RARB: variants seen among roughly 807,000 people sequenced by gnomAD.
RARB encodes the protein retinoic acid receptor beta.
Under a neutral mutation model 51.9 loss-of-function variants are expected in RARB, and 17 were observed. The ratio of observed to expected loss-of-function variants is 0.33; its 90% CI spans 0.22 to 0.49. The LOEUF (loss-of-function observed/expected upper bound fraction) is 0.49. Ranked by LOEUF, RARB falls within the 20% of genes least tolerant of loss-of-function variation. RARB has a pLI of 0.99. For missense variants in RARB, 369 were observed against 550.8 expected, an observed-to-expected ratio of 0.67 and a Z score of 3.30; for synonymous variants, 215 against 195.4, an observed-to-expected ratio of 1.10 and a Z score of -0.84.
At chr3:25,268,668 T>C (rs1311325483) in intron 5 of RARB, among the ~76,000 whole-genome samples, 1 of 152,184 alleles carries the variant, frequency 6.6e-6, no homozygotes, top group African/African-American at 2.4e-5. Context: ...CACTGGTTGT[T>C]CCCTTAGTCT....
intron 5 of RARB, among the ~76,000 whole-genome samples, chr3:25,422,598 A>C (rs1707889820): frequency 6.6e-6 from 1 of 152,156 alleles, no homozygotes; most frequent in Non-Finnish European, 1.5e-5. Context: ...GATGTTACCC[A>C]AAACTCCTTC....
At chr3:25,136,003 G>A (rs1700027333) in intron 4 of RARB, among the ~76,000 whole-genome samples, 1 of 151,902 alleles carries the variant, frequency 6.6e-6, no homozygotes, top group South Asian at 2.1e-4. Flanking sequence ...GGCATTTAGA[G>A]GAATAAGCAA....
At chr3:25,334,831 T>C (rs78025194) in intron 5 of RARB, among the ~76,000 whole-genome samples, 1,760 of 152,356 alleles carry the variant, frequency 0.012, 36 homozygotes, top group African/African-American at 0.04. Flanking sequence ...TAATTATGTA[T>C]GTATATTACT....
chr3:25,374,703 A>G (rs1266328474), intron 5 of RARB, among the ~76,000 whole-genome samples: 1 of 152,136 alleles, frequency 6.6e-6, no homozygotes, highest in African/African-American at 2.4e-5. Context: ...AGAGTAGATC[A>G]TAGATCTAGA....
chr3:25,314,106 A>C (rs559113877), intron 5 of RARB, among the ~76,000 whole-genome samples: 96 of 152,202 alleles, frequency 6.3e-4, no homozygotes, highest in Middle Eastern at 3.4e-3. Flanking sequence ...TTTAAAAATC[A>C]CAAAAAATTA....
chr3:25,517,463 A>G (rs1439055371), intron 3 of RARB, among the ~76,000 whole-genome samples: 1 of 152,220 alleles, frequency 6.6e-6, no homozygotes, highest in Non-Finnish European at 1.5e-5. Flanking sequence ...ACACCCATTA[A>G]GAGGGCTGTA....
chr3:25,177,354 T>C (rs768757750), intron 5 of RARB, among the ~76,000 whole-genome samples: 1 of 152,208 alleles, frequency 6.6e-6, no homozygotes, highest in Non-Finnish European at 1.5e-5. Context: ...AGCCAAATTC[T>C]GTAAAGACTC....
chr3:24,868,805 C>T (rs982842509), intron 2 of RARB, among the ~76,000 whole-genome samples: 1 of 152,166 alleles, frequency 6.6e-6, no homozygotes, highest in African/African-American at 2.4e-5. Context: ...CAATTGCTAA[C>T]AGAAAATCTT....
intron 5 of RARB, among the ~76,000 whole-genome samples, chr3:25,314,293 G>A (rs921545449): frequency 6.6e-6 from 1 of 152,058 alleles, no homozygotes; most frequent in African/African-American, 2.4e-5. Flanking sequence ...TATAGGAAAA[G>A]CAGAAATATA....
At chr3:25,532,197 T>C (rs912085837) in intron 3 of RARB, among the ~76,000 whole-genome samples, 1 of 152,230 alleles carries the variant, frequency 6.6e-6, no homozygotes, top group African/African-American at 2.4e-5. Flanking sequence ...GTCTACACAT[T>C]CCATAATTAT....
At chr3:25,442,624 C>T (rs1243081704) in intron 1 of RARB, among the ~76,000 whole-genome samples, 1 of 152,072 alleles carries the variant, frequency 6.6e-6, no homozygotes, top group Non-Finnish European at 1.5e-5. Context: ...CTAATTATCC[C>T]TTTATGTAGC....
intron 5 of RARB, among the ~76,000 whole-genome samples, chr3:25,381,261 T>G (rs1706616487): frequency 6.6e-6 from 1 of 152,134 alleles, no homozygotes; most frequent in Non-Finnish European, 1.5e-5. Flanking sequence ...GAGGACTCTC[T>G]GAAAGGAATG....
At chr3:24,900,782 C>T (rs186457177) in intron 2 of RARB, among the ~76,000 whole-genome samples, 4 of 152,130 alleles carry the variant, frequency 2.6e-5, no homozygotes, top group Non-Finnish European at 4.4e-5. Flanking sequence ...GCAGCACATT[C>T]GGTTTGAGCA....
intron 5 of RARB, among the ~76,000 whole-genome samples, chr3:25,383,043 G>C (rs1706676912): frequency 6.6e-6 from 1 of 152,164 alleles, no homozygotes; most frequent in African/African-American, 2.4e-5. Context: ...TAGCACCTAA[G>C]AGCAATAATG....
At chr3:25,234,136 A>G (rs1702248464) in intron 5 of RARB, among the ~76,000 whole-genome samples, 1 of 152,138 alleles carries the variant, frequency 6.6e-6, no homozygotes, top group Non-Finnish European at 1.5e-5. Flanking sequence ...TGGAATTGCT[A>G]TTAATTCTTT....
intron 5 of RARB, among the ~76,000 whole-genome samples, chr3:25,283,983 G>A: frequency 6.6e-6 from 1 of 152,184 alleles, no homozygotes; most frequent in East Asian, 1.9e-4. Flanking sequence ...CAAAAGTGAT[G>A]GTAGGTCATT....
intron 2 of RARB, among the ~76,000 whole-genome samples, chr3:24,983,985 T>A (rs879740104): frequency 1.1e-4 from 17 of 152,346 alleles, no homozygotes; most frequent in Admixed American, 7.8e-4. Context: ...TTAGTTTACA[T>A]TTTTTATGAT....
intron 2 of RARB, among the ~76,000 whole-genome samples, chr3:24,952,290 G>A (rs1028761089): frequency 1.3e-5 from 2 of 151,976 alleles, no homozygotes; most frequent in African/African-American, 2.4e-5. Context: ...TGATTAGTGA[G>A]ATGTAGTCTA....
At chr3:25,204,101 C>T (rs1460143983) in intron 5 of RARB, among the ~76,000 whole-genome samples, 1 of 152,174 alleles carries the variant, frequency 6.6e-6, no homozygotes, top group Non-Finnish European at 1.5e-5. Context: ...CACATAGTCC[C>T]ATATTTCTTG....
Sources: gnomAD v4.1 joint callset for allele counts (sites outside exome capture counted in the v4.1 genomes callset) on GRCh38, gnomAD v4.1.1 for gene constraint, MANE v1.5 for transcripts, NCBI Gene and HGNC (gene_info 2026-07-23, HGNC 2026-07-21) for gene names.